The following PLAG1 variants were observed in gnomAD, a reference collection of about 807,000 sequenced individuals.
PLAG1 encodes the protein PLAG1 zinc finger, also known as zinc finger protein PLAG1.
In PLAG1, 7 loss-of-function variants were observed where a neutral mutation model predicts 35.5. The observed-to-expected ratio is 0.20, with a 90% CI of 0.11 to 0.37. The LOEUF (loss-of-function observed/expected upper bound fraction) is 0.37. Among genes scored for constraint, PLAG1 ranks in the 10% least tolerant of loss-of-function variants. The pLI, the probability that PLAG1 is intolerant of heterozygous loss-of-function variation, is 1.00. For missense variants in PLAG1, 454 were observed against 602.8 expected, an observed-to-expected ratio of 0.75 and a Z score of 2.58; for synonymous variants, 229 against 225.4, an observed-to-expected ratio of 1.02 and a Z score of -0.14.
rs752928301 is a variant in PLAG1, at chr8:56,166,485, A to C, written c.1261T>G (p.Leu421Val). Residue 421 changes from leucine (L) to valine (V), a missense_variant, in exon 5 of 5, where the codon TTG (leucine) becomes GTG (valine). Leu to Val is a conservative substitution (Grantham distance 32). Coordinates refer to ENST00000316981, the MANE Select transcript of PLAG1 (RefSeq NM_002655.3). ...LNTPALDFSQ[L>V]FNFIPLNGPP... is the part of the protein sequence containing the mutation. ...CCATTTAAAGGTATGAAATTAAACA[A>C]CTGAGAAAAATCCAATGCTGGTGTG... 14 of 1,613,844 alleles carry C rather than the reference A, an allele frequency of 8.7e-6. No homozygotes were observed. Among genetic ancestry groups the C allele is most frequent in the Non-Finnish European group, 1.1e-5 (13 of 1,179,894 alleles).
At chr8:56,195,937 A>G (rs1192075202) in intron 1 of PLAG1, among the ~76,000 whole-genome samples, 3 of 152,174 alleles carry the variant, frequency 2.0e-5, no homozygotes, top group African/African-American at 7.2e-5. Context: ...GAGCAGTGAT[A>G]TCAAGATGAC....
At position 56,165,466 on chromosome 8, in the gene PLAG1, T is replaced by A. The variant is rs1833707479; in HGVS notation, c.*777A>T. The A allele has an allele frequency of 4.7e-6, 1 of 213,820 alleles. No individual in the cohort carries two copies. The highest frequency in any genetic ancestry group is 9.5e-6 in the Non-Finnish European group (1 of 105,798). The allele number at this position is 213,820 out of a possible 1,614,324, so 13.2% of individuals were successfully genotyped here. ...CTGAAGACCCCAATGCCATACACTA[T>A]TACTATTATTAAATGAAAAGATAGC... On this transcript the variant is annotated 3_prime_UTR_variant, in exon 5 of 5. Transcript: ENST00000316981.
At chr8:56,183,990 C>T (rs1048219935) in intron 1 of PLAG1, among the ~76,000 whole-genome samples, 1 of 152,088 alleles carries the variant, frequency 6.6e-6, no homozygotes, top group African/African-American at 2.4e-5. Flanking sequence ...CGGATTTCAT[C>T]AAAATGTAAA....
chr8:56,178,504 C>T (rs745359223), intron 2 of PLAG1, among the ~76,000 whole-genome samples: 15 of 152,216 alleles, frequency 9.9e-5, no homozygotes, highest in South Asian at 2.1e-4. Context: ...TTAATGCTAA[C>T]GGTGTTGATG....
At chr8:56,168,666 C>T (rs1426286312) in intron 3 of PLAG1, among the ~76,000 whole-genome samples, 1 of 152,160 alleles carries the variant, frequency 6.6e-6, no homozygotes, top group Non-Finnish European at 1.5e-5. Context: ...CAGGAACTCT[C>T]ATGAAGAATC....
rs1394002221 is a variant in PLAG1 at position 56,166,303 on chromosome 8, A to G, written c.1443T>C (p.Ala481=). 13 of 1,612,234 alleles carry G rather than the reference A, an allele frequency of 8.1e-6. No individual in the cohort carries two copies. The highest frequency in any genetic ancestry group is 1.0e-5 in the Non-Finnish European group (12 of 1,179,286). The stretch of plus-strand genomic sequence containing the variant: ...TACTTGTGCTTAAACTGCTGGTGAA[A>G]GCTGCTGACAGTGAGTGCAGAGACC... The part of the protein sequence containing the change: ...GLGSLHSLSA[A]FTSSLSTSTT... The change falls in exon 5 of 5, where the codon GCT becomes GCC. Residue 481 remains alanine, a synonymous_variant. Transcript: ENST00000316981.
intron 1 of PLAG1, among the ~76,000 whole-genome samples, chr8:56,203,076 A>C (rs1812600075): frequency 6.6e-6 from 1 of 152,194 alleles, no homozygotes; most frequent in Non-Finnish European, 1.5e-5. Context: ...TAATGAAAAT[A>C]ATTGAATATA....
At position 56,196,170 on chromosome 8, in the gene PLAG1, C is replaced by T. The variant is rs1404644676; in HGVS notation, c.-322+14951G>A. On this transcript the variant is annotated intron_variant, in intron 1 of 4. Transcript: ENST00000316981. ...CACATGATCATAAATATATAAATGG[C>T]ATGAAATAACTTCACACCCGCAGGA... Among the ~76,000 whole-genome samples, 4 of 152,100 alleles carry T rather than the reference C, an allele frequency of 2.6e-5. No individual in the cohort carries two copies. The East Asian group carries it at 5.8e-4, about 22-fold the overall frequency.
At chr8:56,182,336 T>C (rs1048087221) in intron 1 of PLAG1, among the ~76,000 whole-genome samples, 3 of 152,166 alleles carry the variant, frequency 2.0e-5, no homozygotes, top group East Asian at 3.8e-4. Context: ...AAGACAATGA[T>C]AGTTGTACAG....
chr8:56,180,691 A>G (rs1330599460), intron 1 of PLAG1, among the ~76,000 whole-genome samples: 1 of 152,180 alleles, frequency 6.6e-6, no homozygotes, highest in Admixed American at 6.5e-5. Context: ...ATATGGCTAG[A>G]CAGTTTTCCC....
At chr8:56,181,679 C>T (rs1461647190) in intron 1 of PLAG1, among the ~76,000 whole-genome samples, 1 of 152,072 alleles carries the variant, frequency 6.6e-6, no homozygotes, top group Non-Finnish European at 1.5e-5. Context: ...ATGTAACAAA[C>T]CTGCACGTTC....
chr8:56,194,080 A>G (rs1200771705), intron 1 of PLAG1, among the ~76,000 whole-genome samples: 3 of 152,104 alleles, frequency 2.0e-5, no homozygotes, highest in Non-Finnish European at 4.4e-5. Flanking sequence ...TTGATAAGCT[A>G]AGACTGTTGG....
chr8:56,185,478 T>TA (rs1190303969), intron 1 of PLAG1, among the ~76,000 whole-genome samples: 10 of 151,872 alleles, frequency 6.6e-5, no homozygotes, highest in African/African-American at 2.2e-4. Flanking sequence ...AGTACGAAAA[T>TA]AAAACTTTCT....
At chr8:56,207,585 G>A (rs1020073454) in intron 1 of PLAG1, among the ~76,000 whole-genome samples, 1 of 151,948 alleles carries the variant, frequency 6.6e-6, no homozygotes, top group African/African-American at 2.4e-5. Context: ...TTCCACAGCA[G>A]ATAAATTCTT....
intron 1 of PLAG1, among the ~76,000 whole-genome samples, chr8:56,192,071 T>C (rs902332945): frequency 6.6e-6 from 1 of 151,924 alleles, no homozygotes; most frequent in African/African-American, 2.4e-5. Context: ...GAAGGACAAA[T>C]TAAAACAAAA....
intron 3 of PLAG1, among the ~76,000 whole-genome samples, chr8:56,170,141 G>A (rs1811478155): frequency 6.6e-6 from 1 of 152,202 alleles, no homozygotes; most frequent in South Asian, 2.1e-4. Flanking sequence ...TATTAACATA[G>A]TAAGGCATAT....
intron 2 of PLAG1, 55 bp from the exon 3 acceptor site, chr8:56,171,244 GATGGAAA>G (rs1386806337): frequency 3.3e-5 from 9 of 275,790 alleles, no homozygotes; most frequent in Non-Finnish European, 5.0e-5. Context: ...GTATGTAAAT[GATGGAAA>G]ATACAGGATA....
intron 1 of PLAG1, among the ~76,000 whole-genome samples, chr8:56,204,954 A>G (rs1585830455): frequency 6.6e-6 from 1 of 151,928 alleles, no homozygotes; most frequent in Non-Finnish European, 1.5e-5. Flanking sequence ...GATTATACCA[A>G]AAGTTTAGAT....
At chr8:56,168,446 T>C (rs1585777212) in intron 3 of PLAG1, 60 bp from the exon 4 acceptor site, 2 of 733,482 alleles carry the variant, frequency 2.7e-6, no homozygotes, top group Admixed American at 3.8e-5. Context: ...AAAAATTTTA[T>C]TTGCTATGTG....
Sources: gnomAD v4.1 joint callset for allele counts (sites outside exome capture counted in the v4.1 genomes callset) on GRCh38, gnomAD v4.1.1 for gene constraint, MANE v1.5 for transcripts, NCBI Gene and HGNC (gene_info 2026-07-23, HGNC 2026-07-21) for gene names.